The following DSTYK variants were observed in gnomAD, a reference collection of about 807,000 sequenced individuals.
The protein encoded by DSTYK is RIP-homologous kinase.
DSTYK carries 34 observed loss-of-function variants against 98.7 expected under a neutral mutation model. That is an observed-to-expected ratio of 0.34 (90% confidence interval 0.26 to 0.46). The LOEUF (loss-of-function observed/expected upper bound fraction) is 0.46, where lower values mean the gene tolerates loss of function less well. DSTYK is among the 20% of genes least tolerant of loss of function. The pLI is 1.00. For synonymous variants in DSTYK, 462 were observed against 457.3 expected (o/e 1.01, Z -0.13); for missense variants, 962 against 1,181.7 (o/e 0.81, Z 2.73).
chr1:205,159,344 C>T (rs2102396250), intron 9 of DSTYK, among the ~76,000 whole-genome samples: 1 of 152,332 alleles, frequency 6.6e-6, no homozygotes, highest in Non-Finnish European at 1.5e-5. Flanking sequence ...CCACCTTGGC[C>T]TCCCCACGTG....
rs1657123410 is a variant in DSTYK, at chr1:205,143,148, TTC to T, written c.*4408_*4409del. 6.6e-6 allele frequency: 1 copy of T among 151,864 alleles called. No individual in the cohort carries two copies. The highest frequency in any genetic ancestry group is 1.5e-5 in the Non-Finnish European group (1 of 68,128). 9.4% of individuals were successfully genotyped at this position (151,864 alleles called of 1,614,324 possible). ...TGAAGGATTAACCTTCTTTTTCTTTTTCTTTTTTTTTTTTTTGAGATGGAGTC... is the reference window on the plus strand; with the variant it reads ...TGAAGGATTAACCTTCTTTTTCTTTTTTTTTTTTTTTTTTGAGATGGAGTC... On this transcript the variant is annotated 3_prime_UTR_variant, in exon 13 of 13. Transcript: ENST00000367162.
chr1:205,169,377 A>C lies in DSTYK; in HGVS notation c.1110T>G (p.Leu370=). Residue 370 remains leucine (L), a synonymous_variant, in exon 3 of 13, where the codon CTT becomes CTG. Coordinates refer to ENST00000367162, the MANE Select transcript of DSTYK (RefSeq NM_015375.3). This position sits in a 1 kb window ranked among gnomAD's most constrained non-coding sequence, Gnocchi z 4.0. ...KALNLVHCHC[L]DIFINQAFDM... is the part of the protein sequence containing the mutation. ...CAAATGCCTGGTTAATAAAGATGTC[A>C]AGGCAGTGGCAGTGCACCAGGTTCA... 1 of 1,614,144 alleles carries C rather than the reference A, an allele frequency of 6.2e-7. No homozygotes were observed. Among genetic ancestry groups the C allele is most frequent in the Non-Finnish European group, 8.5e-7 (1 of 1,180,036 alleles).
intron 1 of DSTYK, 152 bp downstream of exon 1, chr1:205,211,119 C>T (rs1659359846): frequency 1.1e-5 from 13 of 1,192,328 alleles, no homozygotes; most frequent in Non-Finnish European, 6.7e-6. Context: ...ATCCCAGATC[C>T]GGCCGGCCCA....
chr1:205,161,914 A>G, intron 6 of DSTYK, 122 bp downstream of exon 6: 1 of 763,712 alleles, frequency 1.3e-6, no homozygotes, highest in Middle Eastern at 3.9e-4. Context: ...ATGTGTATAT[A>G]TATGTATACA....
chr1:205,173,399 A>G (rs1169905367), intron 2 of DSTYK: 2 of 151,302 alleles, frequency 1.3e-5, no homozygotes. Context: ...TCAAAAAAAA[A>G]AAAAAAAAAA....
intron 1 of DSTYK, chr1:205,202,769 A>G (rs886098037): frequency 4.4e-5 from 28 of 643,460 alleles, no homozygotes; most frequent in Non-Finnish European, 7.4e-5. Context: ...AAATACAATT[A>G]AATATTTTTT....
At chr1:205,160,788 G>GTT (rs35547823) in intron 7 of DSTYK, among the ~76,000 whole-genome samples, 2 of 145,286 alleles carry the variant, frequency 1.4e-5, no homozygotes, top group Non-Finnish European at 1.5e-5. Flanking sequence ...GTTTTTTGTT[G>GTT]TTTTTTTTTT....
chr1:205,202,403 C>A, intron 1 of DSTYK: 1 of 742,040 alleles, frequency 1.3e-6, no homozygotes, highest in South Asian at 1.3e-5. Context: ...GTTGGTGTGC[C>A]CAGGCCAAGC....
chr1:205,170,905 C>T (rs899279141), intron 2 of DSTYK, among the ~76,000 whole-genome samples: 5 of 151,774 alleles, frequency 3.3e-5, no homozygotes, highest in Middle Eastern at 3.2e-3. Context: ...CTAAGGCAAA[C>T]CTGATGGTGG....
intron 2 of DSTYK, among the ~76,000 whole-genome samples, chr1:205,179,458 A>G (rs907488224): frequency 4.0e-5 from 6 of 151,878 alleles, no homozygotes; most frequent in Admixed American, 1.3e-4. Flanking sequence ...ATCTCTACTA[A>G]AAATATAAAA....
Position 205,169,059 on chromosome 1 carries a change from C to T in DSTYK, c.1324+104G>A, listed in dbSNP as rs1158688544. 1 of 1,058,790 alleles carries T rather than the reference C, an allele frequency of 9.4e-7. No individual in the cohort carries two copies. The highest frequency in any genetic ancestry group is 2.4e-5 in the East Asian group (1 of 41,518). The allele number at this position is 1,058,790 out of a possible 1,614,324, so 65.6% of individuals were successfully genotyped here. A position where few individuals can be genotyped will look rare whatever the true frequency, so the allele number is the denominator to read the frequency against. ...TAACAGTGGGGTGGATGAAGTTACC[C>T]TGAGATTCCTTTAACCTTAGGAATT... On this transcript the variant is annotated intron_variant, in intron 3 of 12. Transcript: ENST00000367162. The surrounding 1 kb of genome is among the most constrained non-coding windows in gnomAD (Gnocchi z 4.0).
In DSTYK at chr1:205,147,697, A is replaced by T; in HGVS notation, c.2651T>A (p.Leu884Ter). 6.2e-7 allele frequency: 1 copy of T among 1,614,102 alleles called. No individual in the cohort carries two copies. Among genetic ancestry groups the T allele is most frequent in the Non-Finnish European group, 8.5e-7 (1 of 1,180,004 alleles). ...GTCGCCATCCCAACAGGCTTCCATC[A>T]ACTGCCAGCACTCCTCATCAAACAC... The part of the protein sequence containing the change: ...LPVFDEECWQ[L>*]MEACWDGDPL... The change falls in exon 13 of 13, where the codon TTG becomes TAG. Residue 884 changes from leucine (L) to a stop codon, truncating the protein, a stop_gained. Transcript: ENST00000367162. LOFTEE classifies it high-confidence loss of function.
rs1196624325 is a variant in DSTYK at position 205,142,527 on chromosome 1, A to G, written c.*5031T>C. ...CTAAAACGTTAATGTGATCTTTATT[A>G]TACAGCACATCTGGTATTTGTGTAT... is the stretch of plus-strand genomic sequence containing the variant. On this transcript the variant is annotated 3_prime_UTR_variant, in exon 13 of 13. Transcript: ENST00000367162. The G allele has an allele frequency of 1.3e-5, 2 of 152,246 alleles. No homozygotes were observed. Among genetic ancestry groups the G allele is most frequent in the African/African-American group, 4.8e-5 (2 of 41,466 alleles). The allele number at this position is 152,246 out of a possible 1,614,324, so 9.4% of individuals were successfully genotyped here.
chr1:205,157,216 C>CA, intron 10 of DSTYK, 57 bp downstream of exon 10: 23 of 1,496,212 alleles, frequency 1.5e-5, no homozygotes, highest in Non-Finnish European at 1.9e-5. Flanking sequence ...ATGTACCCTC[C>CA]AAAATCACTC....
chr1:205,181,915 G>A (rs186319159), intron 2 of DSTYK, among the ~76,000 whole-genome samples: 15 of 152,120 alleles, frequency 9.9e-5, no homozygotes, highest in African/African-American at 3.6e-4. Context: ...ACCTAGACAA[G>A]AATTGAGAGA....
intron 1 of DSTYK, among the ~76,000 whole-genome samples, chr1:205,208,118 G>A (rs1189233061): frequency 6.6e-6 from 1 of 152,066 alleles, no homozygotes; most frequent in Non-Finnish European, 1.5e-5. Flanking sequence ...AACCTCAGGT[G>A]ATCCACCCAC....
At chr1:205,186,315 T>C (rs778521812) in intron 2 of DSTYK, among the ~76,000 whole-genome samples, 1 of 152,202 alleles carries the variant, frequency 6.6e-6, no homozygotes, top group Non-Finnish European at 1.5e-5. Context: ...CCACTGAAAC[T>C]GAGCTGAGAG....
At chr1:205,175,333 C>T (rs1658197948) in intron 2 of DSTYK, among the ~76,000 whole-genome samples, 1 of 151,942 alleles carries the variant, frequency 6.6e-6, no homozygotes, top group Non-Finnish European at 1.5e-5. Flanking sequence ...ACCTCGTGAT[C>T]CGCCTGCCTC....
rs1171117102 is a variant in DSTYK, at chr1:205,162,125, T to G, written c.1729A>C (p.Ser577Arg). ...ATGCTCTTAGCCAATTTGGAGGCGCTGAGGCTCTCAATGGCTTCCTGGGCC... is the reference window on the plus strand; with the variant it reads ...ATGCTCTTAGCCAATTTGGAGGCGCGGAGGCTCTCAATGGCTTCCTGGGCC... ...KVAQEAIESL[S>R]ASKLAKSICS... The change falls in exon 6 of 13, where the codon AGC (serine) becomes CGC (arginine). Residue 577 changes from serine to arginine, a missense_variant. Coordinates refer to ENST00000367162, the MANE Select transcript of DSTYK (RefSeq NM_015375.3). The G allele has an allele frequency of 1.2e-6, 2 of 1,614,060 alleles. No individual in the cohort carries two copies. The highest frequency in any genetic ancestry group is 1.3e-5 in the African/African-American group (1 of 74,930).
Sources: allele counts gnomAD v4.1 joint callset (sites outside exome capture counted in the v4.1 genomes callset), GRCh38; gene constraint gnomAD v4.1.1; non-coding constraint Gnocchi (gnomAD v3.1); transcripts MANE v1.5; gene names NCBI Gene and HGNC (gene_info 2026-07-23, HGNC 2026-07-21).